Variants in RPRD2 observed in about 807,000 individuals in gnomAD.
The protein encoded by RPRD2 is regulation of nuclear pre-mRNA domain-containing protein 2.
A neutral mutation model predicts 104.4 loss-of-function variants in RPRD2; 12 were observed. That is an observed-to-expected ratio of 0.11 (90% confidence interval 0.07 to 0.19). The LOEUF (loss-of-function observed/expected upper bound fraction) is 0.19. Ranked by LOEUF, RPRD2 falls within the 10% of genes least tolerant of loss-of-function variation. The pLI, the probability that RPRD2 is intolerant of heterozygous loss-of-function variation, is 1.00. For missense variants in RPRD2, 1,543 were observed against 1,790.1 expected (o/e 0.86, Z 2.49); for synonymous variants, 714 against 684.9 (o/e 1.04, Z -0.66).
chr1:150,401,858 A>T (rs1198269387), intron 1 of RPRD2, among the ~76,000 whole-genome samples: 1 of 150,612 alleles, frequency 6.6e-6, no homozygotes, highest in African/African-American at 2.4e-5. Context: ...TTAGCCAGGA[A>T]GGTCTTGATC....
chr1:150,390,724 G>A (rs1662001697), intron 1 of RPRD2, among the ~76,000 whole-genome samples: 1 of 152,090 alleles, frequency 6.6e-6, no homozygotes, highest in South Asian at 2.1e-4. Flanking sequence ...TGAACTGAAA[G>A]ATCTGAAGTA....
At chr1:150,404,018 G>T (rs781794141) in intron 1 of RPRD2, among the ~76,000 whole-genome samples, 2 of 151,950 alleles carry the variant, frequency 1.3e-5, no homozygotes, top group African/African-American at 4.8e-5. Context: ...TCAACTTTAC[G>T]TTAATAATTT....
Position 150,442,998 on chromosome 1 carries a change from A to G in RPRD2, c.515-233A>G, listed in dbSNP as rs150951004. ...AATAATTCTAGGACTTTATGACCTG[A>G]AGGGTCTGTTGGAGGTAAGTAGGTT... On this transcript the variant is annotated intron_variant, in intron 4 of 10. Coordinates refer to ENST00000369068, the MANE Select transcript of RPRD2 (RefSeq NM_015203.5). Among the ~76,000 whole-genome samples, 434 of 152,216 alleles carry G rather than the reference A, an allele frequency of 2.9e-3. 3 individuals are homozygous for G. Among genetic ancestry groups the G allele is most frequent in the Non-Finnish European group, 4.9e-3 (334 of 68,002 alleles).
In RPRD2 at chr1:150,446,833, C is replaced by CTTTTTT. The variant is rs782290005; in HGVS notation, c.870+444_870+449dup. Among the ~76,000 whole-genome samples the CTTTTTT allele has an allele frequency of 2.0e-3, 261 of 127,454 alleles. 1 individual carries two copies. The highest frequency in any genetic ancestry group is 2.4e-3 in the Non-Finnish European group (150 of 62,326). The allele number at this position is 127,454 out of a possible 152,430, so 83.6% of individuals were successfully genotyped here. On this transcript the variant is annotated intron_variant, in intron 7 of 10. Coordinates refer to ENST00000369068, the MANE Select transcript of RPRD2 (RefSeq NM_015203.5). Reference sequence around the variant, plus strand: ...GTAAGTGGTAGAATAAGACCTGGGTCTTTTTTTTTTTTTTTTTGGAACGGA... The same window carrying CTTTTTT: ...GTAAGTGGTAGAATAAGACCTGGGTCTTTTTTTTTTTTTTTTTTTTTTTGGAACGGA...
At chr1:150,389,413 G>A (rs587722737) in intron 1 of RPRD2, among the ~76,000 whole-genome samples, 1 of 152,142 alleles carries the variant, frequency 6.6e-6, no homozygotes, top group East Asian at 1.9e-4. Flanking sequence ...ATGTGGGTTT[G>A]TCTGTTTTTT....
chr1:150,384,639 TTGTGTGTGTGTGTGTGTGTGTG>T (rs71086504), intron 1 of RPRD2, among the ~76,000 whole-genome samples: 3 of 133,402 alleles, frequency 2.2e-5, no homozygotes, highest in African/African-American at 8.4e-5. Context: ...CCTGGCTAAT[TTGTGTGTGTGTGTGTGTGTGTG>T]TGTGTGTGTG....
chr1:150,415,519 C>G (rs1047460956), intron 1 of RPRD2, among the ~76,000 whole-genome samples: 7 of 142,998 alleles, frequency 4.9e-5, no homozygotes, highest in East Asian at 3.9e-4. Flanking sequence ...CTTGTCTCTA[C>G]TAAAAATACA....
Position 150,471,173 on chromosome 1 carries a change from C to A in RPRD2, c.2225C>A (p.Pro742His). Residue 742 changes from proline (P) to histidine (H), a missense_variant, in exon 11 of 11, where the codon CCC becomes CAC. Pro to His is a moderately conservative substitution (Grantham distance 77, BLOSUM62 -2). This residue lies in a region of RPRD2 where 572 missense variants were observed against 787.3 expected (regional missense o/e 0.73). Coordinates refer to ENST00000369068, the MANE Select transcript of RPRD2 (RefSeq NM_015203.5). This position sits in a 1 kb window ranked among gnomAD's most constrained non-coding sequence, Gnocchi z 5.3. ...ACCCAGGATGAGATGATGGACAAGC[C>A]CACATCCAGCAGTGTAGATACTATG... The part of the protein sequence containing the change: ...TPTQDEMMDK[P>H]TSSSVDTMSL... The A allele has an allele frequency of 6.2e-7, 1 of 1,613,844 alleles. No homozygotes were observed. The highest frequency in any genetic ancestry group is 1.3e-5 in the African/African-American group (1 of 74,972).
chr1:150,381,260 CAA>C (rs36036461), intron 1 of RPRD2, among the ~76,000 whole-genome samples: 16 of 134,348 alleles, frequency 1.2e-4, no homozygotes, highest in Non-Finnish European at 6.5e-5. Flanking sequence ...CCCATCTCTA[CAA>C]AAAAAAAAAA....
intron 1 of RPRD2, among the ~76,000 whole-genome samples, chr1:150,383,214 C>T (rs2173376): frequency 0.22 from 33,708 of 151,176 alleles, 4,268 homozygotes; most frequent in African/African-American, 0.32. Context: ...AGGCTGGTCT[C>T]GAACTCCTGG....
At chr1:150,387,566 C>CTTTTT (rs1661661325) in intron 1 of RPRD2, among the ~76,000 whole-genome samples, 16 of 70,132 alleles carry the variant, frequency 2.3e-4, no homozygotes, top group South Asian at 5.8e-4. Flanking sequence ...TTGCAACAGA[C>CTTTTT]CTTTTTTTTT....
At chr1:150,405,198 C>T (rs142894149) in intron 1 of RPRD2, among the ~76,000 whole-genome samples, 2 of 152,150 alleles carry the variant, frequency 1.3e-5, no homozygotes, top group East Asian at 3.9e-4. Flanking sequence ...TCATATGTAA[C>T]AATGTTTAAC....
At chr1:150,414,962 T>A (rs1297586449) in intron 1 of RPRD2, among the ~76,000 whole-genome samples, 1 of 152,136 alleles carries the variant, frequency 6.6e-6, no homozygotes. Flanking sequence ...AAGAAAACTT[T>A]AAGATAGGAG....
At chr1:150,380,669 T>G (rs1661056907) in intron 1 of RPRD2, among the ~76,000 whole-genome samples, 1 of 151,636 alleles carries the variant, frequency 6.6e-6, no homozygotes, top group Non-Finnish European at 1.5e-5. Flanking sequence ...TATTTTTATT[T>G]TTTTGGGACG....
In RPRD2 at chr1:150,471,304, G is replaced by C. The variant is rs191562697; in HGVS notation, c.2356G>C (p.Val786Leu). 4 of 1,613,682 alleles carry C rather than the reference G, an allele frequency of 2.5e-6. No homozygotes were observed. The African/African-American group carries it at 4.0e-5, about 16-fold the overall frequency. The change falls in exon 11 of 11, where the codon GTA becomes CTA. Residue 786 changes from valine to leucine, a missense_variant. Around this residue, in one of 4 missense-constraint regions of RPRD2, gnomAD observed 880 missense variants for 885.6 expected, o/e 0.99. Transcript: ENST00000369068. The surrounding 1 kb of genome is among the most constrained non-coding windows in gnomAD (Gnocchi z 5.3). Reference sequence around the variant, plus strand: ...CTACCCCCGAGAGCTCTCCAATTCTGTATCTACATATCGACCCTTTGGTCT... The same window carrying C: ...CTACCCCCGAGAGCTCTCCAATTCTCTATCTACATATCGACCCTTTGGTCT... Reference protein sequence around the residue: ...ESYPRELSNSVSTYRPFGLGS... With the variant: ...ESYPRELSNSLSTYRPFGLGS...
intron 1 of RPRD2, among the ~76,000 whole-genome samples, chr1:150,406,433 G>GTC (rs1560175742): frequency 6.6e-6 from 1 of 152,132 alleles, no homozygotes; most frequent in Non-Finnish European, 1.5e-5. Context: ...TGAGACAAGA[G>GTC]TCTCTCTCTG....
intron 1 of RPRD2, among the ~76,000 whole-genome samples, chr1:150,384,937 G>A (rs1572366800): frequency 6.6e-6 from 1 of 152,088 alleles, no homozygotes; most frequent in East Asian, 1.9e-4. Context: ...AAATCACTCA[G>A]CCCAGGAGTT....
At chr1:150,365,255 G>T (rs1553876995) in intron 1 of RPRD2, among the ~76,000 whole-genome samples, 2 of 152,188 alleles carry the variant, frequency 1.3e-5, no homozygotes, top group Non-Finnish European at 2.9e-5. Context: ...TGTAGCGTCT[G>T]TTTATTTCTT....
intron 9 of RPRD2, 122 bp from the exon 10 acceptor site, chr1:150,464,405 T>C (rs1420162232): frequency 2.1e-5 from 14 of 678,306 alleles, no homozygotes; most frequent in Non-Finnish European, 3.3e-5. Context: ...TGATGGACCA[T>C]TTGTGGATCA....
Sources: gnomAD v4.1 joint callset for allele counts (sites outside exome capture counted in the v4.1 genomes callset) on GRCh38, gnomAD v4.1.1 for gene constraint, gnomAD v4.1.1 regional missense constraint, Gnocchi (gnomAD v3.1) non-coding constraint, MANE v1.5 for transcripts, NCBI Gene and HGNC (gene_info 2026-07-23, HGNC 2026-07-21) for gene names.